Variants in HEATR5B observed in about 807,000 individuals in gnomAD.
HEATR5B encodes HEAT repeat containing 5B.
A neutral mutation model predicts 224.1 loss-of-function variants in HEATR5B; 156 were observed. That is an observed-to-expected ratio of 0.70 (90% CI 0.61 to 0.80). The LOEUF is 0.80. HEATR5B is among the 30% of genes least tolerant of loss of function. The pLI is 0.00. For missense variants in HEATR5B, 2,323 were observed against 2,535.5 expected (o/e 0.92, Z 1.80); for synonymous variants, 1,027 against 893.0 (o/e 1.15, Z -2.68).
chr2:37,036,409 G>A (rs1030517951), intron 21 of HEATR5B, among the ~76,000 whole-genome samples: 4 of 152,190 alleles, frequency 2.6e-5, no homozygotes, highest in African/African-American at 9.6e-5. Flanking sequence ...TTAGGGCCTT[G>A]CATGTATTTT....
chr2:37,021,823 G>C (rs950107248), intron 24 of HEATR5B, among the ~76,000 whole-genome samples: 3 of 151,324 alleles, frequency 2.0e-5, no homozygotes, highest in South Asian at 2.1e-4. Context: ...GGAGGTCAAG[G>C]CTGCAGTGAG....
At chr2:37,035,268 G>A (rs141930352) in intron 21 of HEATR5B, among the ~76,000 whole-genome samples, 98 of 152,274 alleles carry the variant, frequency 6.4e-4, no homozygotes, top group African/African-American at 2.3e-3. Flanking sequence ...TGTGATATTA[G>A]AGTTGTAAAG....
intron 20 of HEATR5B, among the ~76,000 whole-genome samples, chr2:37,038,913 G>GA (rs1394877360): frequency 7.6e-6 from 1 of 131,998 alleles, no homozygotes; most frequent in African/African-American, 2.7e-5. Context: ...GGGGTGGGGG[G>GA]GGTGGGGAAT....
intron 17 of HEATR5B, among the ~76,000 whole-genome samples, chr2:37,052,544 T>C (rs1383437646): frequency 2.0e-5 from 3 of 152,124 alleles, no homozygotes; most frequent in African/African-American, 7.2e-5. Context: ...TCTCAGCAAC[T>C]TTGGCATATG....
At chr2:37,072,337 G>A in intron 5 of HEATR5B, 56 bp from the exon 6 acceptor site, 1 of 1,269,620 alleles carries the variant, frequency 7.9e-7, no homozygotes. Context: ...TTCCAGAGAT[G>A]GAATAGCAAG....
At chr2:37,004,629 C>A (rs1353243785) in intron 30 of HEATR5B, among the ~76,000 whole-genome samples, 1 of 151,974 alleles carries the variant, frequency 6.6e-6, no homozygotes, top group African/African-American at 2.4e-5. Flanking sequence ...CCAATAGCCT[C>A]CTCTAGACTC....
At chr2:37,070,413 A>G in intron 6 of HEATR5B, 26 bp from the exon 7 acceptor site, 1 of 1,591,906 alleles carries the variant, frequency 6.3e-7, no homozygotes, top group Non-Finnish European at 8.6e-7. Context: ...ATTAAAGTAT[A>G]AGCAAATATA....
At chr2:37,051,088 T>C (rs1027975062) in intron 17 of HEATR5B, among the ~76,000 whole-genome samples, 1 of 150,444 alleles carries the variant, frequency 6.6e-6, no homozygotes, top group Non-Finnish European at 1.5e-5. Flanking sequence ...CCGGGTGCAG[T>C]GGCTCACGCC....
Position 37,028,897 on chromosome 2 carries a change from C to A in HEATR5B, c.3385G>T (p.Val1129Phe), listed in dbSNP as rs747897183. Residue 1129 changes from valine (V) to phenylalanine (F), a missense_variant, in exon 23 of 36, where the codon GTT becomes TTT. Physicochemically the swap from Val to Phe is conservative, Grantham distance 50. This residue lies in a region of HEATR5B where 339 missense variants were observed against 378.4 expected (regional missense o/e 0.90). Coordinates refer to ENST00000233099, the MANE Select transcript of HEATR5B (RefSeq NM_019024.3). The part of the protein sequence containing the change: ...SANVSPFAPG[V>F]SSRTDIHCRH... ...CAATGGATATCAGTTCGAGAACTAA[C>A]CCCAGGGGCAAAAGGACTGACATCT... The A allele has an allele frequency of 6.2e-6, 10 of 1,613,844 alleles. No homozygotes were observed. The highest frequency in any genetic ancestry group is 1.3e-5 in the African/African-American group (1 of 75,010).
chr2:37,033,904 T>C (rs1171839466), intron 21 of HEATR5B, among the ~76,000 whole-genome samples: 1 of 152,140 alleles, frequency 6.6e-6, no homozygotes, highest in East Asian at 1.9e-4. Context: ...TTAGTATAAA[T>C]CTGACTCATG....
At chr2:37,016,161 G>A (rs953497370) in intron 26 of HEATR5B, among the ~76,000 whole-genome samples, 6 of 137,202 alleles carry the variant, frequency 4.4e-5, no homozygotes, top group Non-Finnish European at 9.2e-5. Flanking sequence ...CACCCAGGTT[G>A]GAGCGCAGTG....
chr2:37,081,082 T>C (rs1330493058), intron 2 of HEATR5B, among the ~76,000 whole-genome samples: 2 of 152,200 alleles, frequency 1.3e-5, no homozygotes, highest in Admixed American at 1.3e-4. Context: ...TAAGACAGAA[T>C]ACTGACCACT....
intron 11 of HEATR5B, among the ~76,000 whole-genome samples, chr2:37,061,179 A>AATC (rs1671259420): frequency 6.6e-6 from 1 of 152,152 alleles, no homozygotes; most frequent in Admixed American, 6.5e-5. Context: ...TTTTGGGGGC[A>AATC]ATTTATGTGG....
Position 37,059,229 on chromosome 2 carries a change from G to A in HEATR5B, c.1850-242C>T, listed in dbSNP as rs1224633785. On this transcript the variant is annotated intron_variant, in intron 12 of 35. Coordinates refer to ENST00000233099, the MANE Select transcript of HEATR5B (RefSeq NM_019024.3). The stretch of plus-strand genomic sequence containing the variant: ...AAGGTACTGGTTAGAGAGATTCTTC[G>A]GGTGGAAATTCAGAGGACTATGATC... 4.0e-5 allele frequency among the ~76,000 whole-genome samples: 6 copies of A among 151,036 alleles called. No individual in the cohort carries two copies. In the East Asian group the frequency reaches 7.8e-4, roughly 20 times the overall value.
At chr2:37,036,712 A>G (rs917987063) in intron 21 of HEATR5B, among the ~76,000 whole-genome samples, 7 of 152,026 alleles carry the variant, frequency 4.6e-5, no homozygotes, top group Admixed American at 1.3e-4. Flanking sequence ...AGGTTTGACC[A>G]CATTGCCCAG....
At chr2:37,081,625 A>G (rs1672575401) in intron 2 of HEATR5B, among the ~76,000 whole-genome samples, 1 of 152,152 alleles carries the variant, frequency 6.6e-6, no homozygotes, top group African/African-American at 2.4e-5. Context: ...AATGGTTGAG[A>G]GTCTAATAAG....
intron 1 of HEATR5B, among the ~76,000 whole-genome samples, chr2:37,083,991 C>G (rs1450448032): frequency 6.6e-6 from 1 of 152,144 alleles, no homozygotes. Context: ...CCAGGCGGTC[C>G]GGAATGCACC....
At chr2:37,019,778 C>CAGT in intron 26 of HEATR5B, 31 bp downstream of exon 26, 4 of 1,436,614 alleles carry the variant, frequency 2.8e-6, no homozygotes, top group Non-Finnish European at 3.9e-6. Flanking sequence ...GTATAGAAGA[C>CAGT]AACTATACAA....
intron 18 of HEATR5B, among the ~76,000 whole-genome samples, chr2:37,042,751 G>A (rs1362300238): frequency 6.6e-6 from 1 of 152,084 alleles, no homozygotes; most frequent in Non-Finnish European, 1.5e-5. Context: ...AATCAGCTGG[G>A]TGTGGTGGCA....
Sources: gnomAD v4.1 joint callset for allele counts (sites outside exome capture counted in the v4.1 genomes callset) on GRCh38, gnomAD v4.1.1 for gene constraint, gnomAD v4.1.1 regional missense constraint, MANE v1.5 for transcripts, NCBI Gene and HGNC (gene_info 2026-07-23, HGNC 2026-07-21) for gene names.